PELI1: variants seen among roughly 807,000 people sequenced by gnomAD.
The protein encoded by PELI1 is E3 ubiquitin-protein ligase pellino homolog 1.
A neutral mutation model predicts 41.3 loss-of-function variants in PELI1; 15 were observed. That is an observed-to-expected ratio of 0.36 (90% confidence interval 0.24 to 0.56). PELI1 has a LOEUF of 0.56. Among genes scored for constraint, PELI1 ranks in the 20% least tolerant of loss-of-function variants. The pLI, the probability that PELI1 is intolerant of heterozygous loss-of-function variation, is 0.82. For synonymous variants in PELI1, 178 were observed against 180.1 expected (o/e 0.99, Z 0.09); for missense variants, 403 against 525.5 (o/e 0.77, Z 2.28).
intron 1 of PELI1, among the ~76,000 whole-genome samples, chr2:64,130,056 T>C (rs1454988907): frequency 2.6e-5 from 4 of 152,224 alleles, no homozygotes; most frequent in Non-Finnish European, 5.9e-5. Context: ...ATAAGCTATG[T>C]GACTTTTGAT....
chr2:64,143,997 C>T (rs1682017491), intron 1 of PELI1, 84 bp downstream of exon 1: 1 of 151,436 alleles, frequency 6.6e-6, no homozygotes, highest in African/African-American at 2.4e-5. Context: ...GGGAAGCCGC[C>T]GAGGAAGTTG....
At chr2:64,137,849 T>TA (rs771640938) in intron 1 of PELI1, among the ~76,000 whole-genome samples, 3 of 152,196 alleles carry the variant, frequency 2.0e-5, no homozygotes, top group Admixed American at 6.5e-5. Context: ...GTGTGGCTCT[T>TA]AAACTGGCTT....
chr2:64,101,330 A>T (rs539973697), intron 3 of PELI1, among the ~76,000 whole-genome samples: 94 of 134,088 alleles, frequency 7.0e-4, no homozygotes, highest in African/African-American at 1.6e-3. Flanking sequence ...AAAAAAATTT[A>T]AAAAAAAAAA....
chr2:64,119,036 A>T (rs1681115758), intron 1 of PELI1, among the ~76,000 whole-genome samples: 1 of 152,022 alleles, frequency 6.6e-6, no homozygotes, highest in Admixed American at 6.5e-5. Context: ...ATTAAAAATG[A>T]ACAGCTTTCA....
intron 1 of PELI1, among the ~76,000 whole-genome samples, chr2:64,130,144 T>C (rs1383428190): frequency 2.6e-5 from 4 of 152,158 alleles, no homozygotes; most frequent in South Asian, 2.1e-4. Context: ...CAATTTAAAG[T>C]GACATGGTTG....
At chr2:64,100,738 T>G (rs1041046165) in intron 3 of PELI1, among the ~76,000 whole-genome samples, 1 of 152,172 alleles carries the variant, frequency 6.6e-6, no homozygotes, top group African/African-American at 2.4e-5. Flanking sequence ...TTCTTTCTTT[T>G]TTTTTAAAGA....
chr2:64,094,402 TGAG>T lies in PELI1; in HGVS notation c.*297_*299del, dbSNP rs1680157249. On this transcript the variant is annotated 3_prime_UTR_variant, in exon 7 of 7. Coordinates refer to ENST00000358912, the MANE Select transcript of PELI1 (RefSeq NM_020651.4). ...CAGTTATACAAAACAATTTCAGCAC[TGAG>T]GATAGGTGATTCAAAAACACTAAAA... The T allele has an allele frequency of 7.9e-6, 2 of 252,958 alleles. No homozygotes were observed. The highest frequency in any genetic ancestry group is 1.5e-5 in the Non-Finnish European group (2 of 131,704). 15.7% of individuals were successfully genotyped at this position (252,958 alleles called of 1,614,324 possible). A position where few individuals can be genotyped will look rare whatever the true frequency, so the allele number is the denominator to read the frequency against.
chr2:64,102,962 C>T (rs1309993777), intron 3 of PELI1, among the ~76,000 whole-genome samples: 1 of 151,962 alleles, frequency 6.6e-6, no homozygotes, highest in Non-Finnish European at 1.5e-5. Flanking sequence ...CCCACTTCAG[C>T]CTGCCAAGTA....
chr2:64,101,990 G>T (rs1168171109), intron 3 of PELI1, among the ~76,000 whole-genome samples: 5 of 152,158 alleles, frequency 3.3e-5, no homozygotes, highest in Non-Finnish European at 7.4e-5. Flanking sequence ...ACCACGCCCG[G>T]CTAATTTTTT....
At chr2:64,118,157 A>G (rs1681063986) in intron 1 of PELI1, among the ~76,000 whole-genome samples, 1 of 152,166 alleles carries the variant, frequency 6.6e-6, no homozygotes. Context: ...TCAGTATGAT[A>G]TTCTTATTTA....
At chr2:64,128,292 A>C (rs1240475593) in intron 1 of PELI1, among the ~76,000 whole-genome samples, 2 of 152,194 alleles carry the variant, frequency 1.3e-5, no homozygotes, top group African/African-American at 4.8e-5. Context: ...CTATCTTAAA[A>C]GGAGCTAATG....
At position 64,137,199 on chromosome 2, in the gene PELI1, T is replaced by A. The variant is rs564287090; in HGVS notation, c.-70+6882A>T. Among the ~76,000 whole-genome samples, 68 of 152,320 alleles carry A rather than the reference T, an allele frequency of 4.5e-4. No individual in the cohort carries two copies. In the South Asian group the frequency reaches 7.2e-3, roughly 16 times the overall value. On this transcript the variant is annotated intron_variant, in intron 1 of 6. Transcript: ENST00000358912. The stretch of plus-strand genomic sequence containing the variant: ...GATCCAATTTTTCCTATGCCTTTTT[T>A]AATAAAAACAGTTCTTATGGTAAAT...
intron 1 of PELI1, among the ~76,000 whole-genome samples, chr2:64,114,447 C>T (rs889290424): frequency 1.2e-4 from 19 of 152,138 alleles, no homozygotes; most frequent in African/African-American, 4.3e-4. Context: ...TTGGAGGTTA[C>T]TACTTTCTGC....
At chr2:64,141,993 C>T (rs1389977978) in intron 1 of PELI1, among the ~76,000 whole-genome samples, 1 of 152,136 alleles carries the variant, frequency 6.6e-6, no homozygotes, top group African/African-American at 2.4e-5. Flanking sequence ...CATTTAAATG[C>T]CAATCTTAAG....
In PELI1 at chr2:64,096,697, T is replaced by C. The variant is rs891018879; in HGVS notation, c.304-87A>G. 3.0e-4 allele frequency: 245 copies of C among 825,976 alleles called. 1 individual carries two copies. Among genetic ancestry groups the C allele is most frequent in the Non-Finnish European group, 4.3e-5 (22 of 517,242 alleles). The allele number at this position is 825,976 out of a possible 1,614,324, so 51.2% of individuals were successfully genotyped here. ...AGAAGGGCACAATAAGGAGAGAACA[T>C]TAGGTCTCTGAAATTTCTAAAGTTG... On this transcript the variant is annotated intron_variant, in intron 4 of 6. Coordinates refer to ENST00000358912, the MANE Select transcript of PELI1 (RefSeq NM_020651.4).
intron 1 of PELI1, among the ~76,000 whole-genome samples, chr2:64,125,174 C>G (rs1472193661): frequency 6.6e-6 from 1 of 152,114 alleles, no homozygotes; most frequent in Non-Finnish European, 1.5e-5. Flanking sequence ...ATGTGTTCAC[C>G]AACCCAAAAA....
chr2:64,122,805 A>T (rs909734204), intron 1 of PELI1, among the ~76,000 whole-genome samples: 1 of 152,220 alleles, frequency 6.6e-6, no homozygotes, highest in Admixed American at 6.5e-5. Context: ...TTTTTCAACA[A>T]GGTTTAAGAA....
rs771682444 is a variant in PELI1 at position 64,096,489 on chromosome 2, A to G, written c.425T>C (p.Ile142Thr). 6.2e-7 allele frequency: 1 copy of G among 1,613,296 alleles called. No individual in the cohort carries two copies. The highest frequency in any genetic ancestry group is 8.5e-7 in the Non-Finnish European group (1 of 1,179,230). ...STISRFACRIICERNPPFTAR... is the reference protein window; with the variant it reads ...STISRFACRITCERNPPFTAR... ...TGTAAAGGGAGGATTCCGTTCACAT[A>G]TGATTCTGCAGGCAAATCTTGATAT... The change falls in exon 5 of 7, where the codon ATA becomes ACA. Residue 142 changes from isoleucine to threonine, a missense_variant. Transcript: ENST00000358912.
chr2:64,109,137 T>C (rs891556169), intron 1 of PELI1, among the ~76,000 whole-genome samples: 1 of 152,082 alleles, frequency 6.6e-6, no homozygotes, highest in Non-Finnish European at 1.5e-5. Flanking sequence ...TCAGCTAGAC[T>C]TCCACCCCCA....
Sources: gnomAD v4.1 joint callset for allele counts (sites outside exome capture counted in the v4.1 genomes callset) on GRCh38, gnomAD v4.1.1 for gene constraint, MANE v1.5 for transcripts, NCBI Gene and HGNC (gene_info 2026-07-23, HGNC 2026-07-21) for gene names.